CHST9: variants seen among roughly 807,000 people sequenced by gnomAD.
CHST9 encodes GalNAc-4-sulfotransferase 2.
A neutral mutation model predicts 44.4 loss-of-function variants in CHST9; 41 were observed. The observed-to-expected ratio is 0.92, with a 90% CI of 0.72 to 1.20. The LOEUF is 1.20. Among genes scored for constraint, CHST9 ranks in the 50% most tolerant of loss-of-function variants. The pLI is 0.00. For missense variants in CHST9, 504 were observed against 516.5 expected, an observed-to-expected ratio of 0.98 and a Z score of 0.23; for synonymous variants, 171 against 178.4, an observed-to-expected ratio of 0.96 and a Z score of 0.33.
At chr18:27,174,437 A>T (rs2058853353) in intron 1 of CHST9, among the ~76,000 whole-genome samples, 1 of 151,930 alleles carries the variant, frequency 6.6e-6, no homozygotes, top group African/African-American at 2.4e-5. Context: ...CATAAAAAAA[A>T]TACATGATTT....
intron 1 of CHST9, among the ~76,000 whole-genome samples, chr18:27,169,134 A>G (rs73406649): frequency 0.026 from 3,919 of 152,290 alleles, 147 homozygotes; most frequent in African/African-American, 0.088. Flanking sequence ...GGCTTGTGAT[A>G]TTCTCAGCAG....
chr18:27,076,584 T>A lies in CHST9; in HGVS notation c.122-28081A>T, dbSNP rs184064246. On this transcript the variant is annotated intron_variant, in intron 2 of 5. Coordinates refer to ENST00000618847, the MANE Select transcript of CHST9 (RefSeq NM_031422.6). ...GCCTATACTTCCCTACCAACTCCTA[T>A]TGACAGCAGCTAGGTTTTCATTAGT... is the stretch of plus-strand genomic sequence containing the variant. 2.0e-5 allele frequency among the ~76,000 whole-genome samples: 3 copies of A among 152,284 alleles called. No individual in the cohort carries two copies. The East Asian group carries it at 5.8e-4, about 29-fold the overall frequency.
chr18:27,181,921 C>A (rs1358983013), intron 1 of CHST9, among the ~76,000 whole-genome samples: 2 of 152,198 alleles, frequency 1.3e-5, no homozygotes, highest in Non-Finnish European at 2.9e-5. Flanking sequence ...TGCCCATCTT[C>A]CCCACCTCCC....
At chr18:27,032,003 G>A (rs933951855) in intron 3 of CHST9, among the ~76,000 whole-genome samples, 1 of 151,932 alleles carries the variant, frequency 6.6e-6, no homozygotes, top group Non-Finnish European at 1.5e-5. Flanking sequence ...AGGAGCAAAT[G>A]TGGCTCAGAG....
intron 4 of CHST9, among the ~76,000 whole-genome samples, chr18:26,984,512 A>C (rs1336531464): frequency 6.6e-6 from 1 of 152,146 alleles, no homozygotes; most frequent in Non-Finnish European, 1.5e-5. Context: ...AAATCTGGTA[A>C]AGTCAACTAC....
chr18:27,095,960 C>T (rs551691406), intron 2 of CHST9, among the ~76,000 whole-genome samples: 300 of 152,110 alleles, frequency 2.0e-3, no homozygotes, highest in Non-Finnish European at 3.5e-3. Context: ...CAGAATATTG[C>T]CCCCAACAAC....
intron 4 of CHST9, among the ~76,000 whole-genome samples, chr18:26,958,325 C>T (rs1598594344): frequency 6.6e-6 from 1 of 151,930 alleles, no homozygotes; most frequent in East Asian, 1.9e-4. Flanking sequence ...CGTTCTTTGA[C>T]TCTTAAAAGA....
intron 1 of CHST9, among the ~76,000 whole-genome samples, chr18:27,173,946 C>G (rs2058850019): frequency 1.3e-5 from 2 of 151,970 alleles, no homozygotes; most frequent in Admixed American, 6.6e-5. Flanking sequence ...CTTTCTTACA[C>G]TTAAAACATT....
At chr18:27,029,692 A>G (rs925109629) in intron 3 of CHST9, among the ~76,000 whole-genome samples, 2 of 152,212 alleles carry the variant, frequency 1.3e-5, no homozygotes. Flanking sequence ...TATAAATGCT[A>G]TGTTCATAGT....
At chr18:27,032,563 AT>A (rs1468158201) in intron 3 of CHST9, among the ~76,000 whole-genome samples, 1 of 152,082 alleles carries the variant, frequency 6.6e-6, no homozygotes, top group Non-Finnish European at 1.5e-5. Context: ...CATTTGTTTT[AT>A]GCACACCCTG....
Position 26,933,680 on chromosome 18 carries a change from C to T in CHST9, c.240+10649G>A, listed in dbSNP as rs117157437. ...CACCCAAGAAGTATTTACTGAGCACCTACTATGTGCATTATTTTCTGGTGT... is the reference window on the plus strand; with the variant it reads ...CACCCAAGAAGTATTTACTGAGCACTTACTATGTGCATTATTTTCTGGTGT... On this transcript the variant is annotated intron_variant, in intron 5 of 5. Transcript: ENST00000618847. 5.8e-3 allele frequency: 887 copies of T among 153,790 alleles called. 3 individuals are homozygous for T. Among genetic ancestry groups the T allele is most frequent in the Non-Finnish European group, 9.5e-3 (648 of 68,036 alleles). 9.5% of individuals were successfully genotyped at this position (153,790 alleles called of 1,614,324 possible).
At chr18:27,034,591 C>A (rs1157230042) in intron 3 of CHST9, among the ~76,000 whole-genome samples, 1 of 152,192 alleles carries the variant, frequency 6.6e-6, no homozygotes, top group Non-Finnish European at 1.5e-5. Flanking sequence ...CACACGTTCA[C>A]CTTTGCTCAC....
chr18:27,157,121 C>A (rs2058703492), intron 1 of CHST9, among the ~76,000 whole-genome samples: 1 of 152,032 alleles, frequency 6.6e-6, no homozygotes, highest in Admixed American at 6.6e-5. Flanking sequence ...ATAGAGAATC[C>A]TCCTTCCTTA....
chr18:26,969,286 G>A (rs1388094008), intron 4 of CHST9, among the ~76,000 whole-genome samples: 2 of 152,196 alleles, frequency 1.3e-5, no homozygotes, highest in East Asian at 3.9e-4. Flanking sequence ...ACAGGCGTGA[G>A]CCACCGCGCC....
chr18:27,007,189 T>C (rs1568130254), intron 4 of CHST9, among the ~76,000 whole-genome samples: 1 of 152,194 alleles, frequency 6.6e-6, no homozygotes, highest in Admixed American at 6.5e-5. Flanking sequence ...TCCCTTTCAA[T>C]TACAACTATT....
intron 1 of CHST9, among the ~76,000 whole-genome samples, chr18:27,163,902 T>C (rs4800794): frequency 0.81 from 122,876 of 152,150 alleles, 49,938 homozygotes; most frequent in East Asian, 0.92. Flanking sequence ...TCTTCTGTGT[T>C]GCTCATGCTG....
intron 3 of CHST9, among the ~76,000 whole-genome samples, chr18:27,041,468 C>A (rs1364132124): frequency 6.6e-6 from 1 of 152,122 alleles, no homozygotes; most frequent in Admixed American, 6.6e-5. Context: ...TATTGTGATG[C>A]AGCTGAAGAT....
At chr18:27,105,406 T>C (rs911210899) in intron 2 of CHST9, among the ~76,000 whole-genome samples, 2 of 152,114 alleles carry the variant, frequency 1.3e-5, no homozygotes, top group African/African-American at 4.8e-5. Context: ...GAGGACTCAT[T>C]GTGATTTAGA....
At chr18:27,003,649 A>AT (rs1172479094) in intron 4 of CHST9, among the ~76,000 whole-genome samples, 3 of 152,076 alleles carry the variant, frequency 2.0e-5, no homozygotes, top group African/African-American at 7.2e-5. Flanking sequence ...GCACTTGGTG[A>AT]TTTTTTTGTA....
Sources: allele counts gnomAD v4.1 joint callset (sites outside exome capture counted in the v4.1 genomes callset), GRCh38; gene constraint gnomAD v4.1.1; transcripts MANE v1.5; gene names NCBI Gene and HGNC (gene_info 2026-07-23, HGNC 2026-07-21).